The following PPM1H variants were observed in gnomAD, a reference collection of about 807,000 sequenced individuals.
PPM1H encodes the protein protein phosphatase, Mg2+/Mn2+ dependent 1H.
A neutral mutation model predicts 54.9 loss-of-function variants in PPM1H; 27 were observed. That is an observed-to-expected ratio of 0.49 (90% CI 0.36 to 0.68). The LOEUF (loss-of-function observed/expected upper bound fraction) is 0.68. Ranked by LOEUF, PPM1H falls within the 30% of genes least tolerant of loss-of-function variation. The pLI is 0.00. For synonymous variants in PPM1H, 305 were observed against 270.8 expected, an observed-to-expected ratio of 1.13 and a Z score of -1.24; for missense variants, 596 against 667.8, an observed-to-expected ratio of 0.89 and a Z score of 1.19.
intron 1 of PPM1H, among the ~76,000 whole-genome samples, chr12:62,908,633 G>GT (rs1871370921): frequency 6.6e-6 from 1 of 152,134 alleles, no homozygotes; most frequent in Admixed American, 6.5e-5. Flanking sequence ...AGTGTGGTTT[G>GT]TATCATAGTA....
At chr12:62,706,518 T>C (rs1001438030) in intron 6 of PPM1H, among the ~76,000 whole-genome samples, 6 of 152,280 alleles carry the variant, frequency 3.9e-5, no homozygotes, top group African/African-American at 1.4e-4. Flanking sequence ...CAATGTTTAT[T>C]ATGCAATCTT....
intron 4 of PPM1H, among the ~76,000 whole-genome samples, chr12:62,764,297 G>T (rs1205068833): frequency 6.6e-6 from 1 of 152,152 alleles, no homozygotes; most frequent in African/African-American, 2.4e-5. Context: ...CCAGGAGGGG[G>T]ATATTTGTGC....
In PPM1H at chr12:62,693,957, A is replaced by G; in HGVS notation, c.1116T>C (p.Leu372=). 6.2e-7 allele frequency: 1 copy of G among 1,613,016 alleles called. No individual in the cohort carries two copies. Among genetic ancestry groups the G allele is most frequent in the Non-Finnish European group, 8.5e-7 (1 of 1,179,552 alleles). The part of the protein sequence containing the change: ...TIEDEDLKFP[L]IYGEGKKARV... ...CTACCTTCTTGCCTTCTCCATATAT[A>G]AGGGGGAACTTCAAGTCCTCATCCT... is the stretch of plus-strand genomic sequence containing the variant. The change falls in exon 7 of 10, where the codon CTT becomes CTC. Residue 372 remains leucine, a synonymous_variant. Coordinates refer to ENST00000228705, the MANE Select transcript of PPM1H (RefSeq NM_020700.2).
At chr12:62,901,308 C>T (rs926404204) in intron 1 of PPM1H, among the ~76,000 whole-genome samples, 2 of 152,168 alleles carry the variant, frequency 1.3e-5, no homozygotes, top group African/African-American at 2.4e-5. Flanking sequence ...CAACCAAATC[C>T]AATTAATTCT....
At chr12:62,867,720 G>A (rs1186827744) in intron 1 of PPM1H, among the ~76,000 whole-genome samples, 3 of 148,500 alleles carry the variant, frequency 2.0e-5, no homozygotes, top group Non-Finnish European at 4.4e-5. Context: ...TGGGACTACA[G>A]GTGCCTGCCA....
intron 1 of PPM1H, among the ~76,000 whole-genome samples, chr12:62,900,404 G>C (rs1042956830): frequency 1.3e-5 from 2 of 151,820 alleles, no homozygotes; most frequent in African/African-American, 4.8e-5. Context: ...GGGTAGGGGG[G>C]AGGGATAGTA....
At chr12:62,924,625 T>C (rs534430231) in intron 1 of PPM1H, among the ~76,000 whole-genome samples, 3 of 152,370 alleles carry the variant, frequency 2.0e-5, no homozygotes, top group East Asian at 1.9e-4. Flanking sequence ...CAGAATTTTA[T>C]GTAGAATATT....
At chr12:62,684,377 G>C (rs893083079) in intron 8 of PPM1H, among the ~76,000 whole-genome samples, 1 of 152,176 alleles carries the variant, frequency 6.6e-6, no homozygotes, top group Non-Finnish European at 1.5e-5. Context: ...TGGCAAACTC[G>C]AGATTTTTCC....
chr12:62,908,441 A>G, intron 1 of PPM1H, among the ~76,000 whole-genome samples: 2 of 151,516 alleles, frequency 1.3e-5, no homozygotes, highest in African/African-American at 4.8e-5. Context: ...AAAGAAAGAA[A>G]TTGAGTTTTG....
At chr12:62,702,666 C>T (rs886097105) in intron 6 of PPM1H, among the ~76,000 whole-genome samples, 11 of 152,192 alleles carry the variant, frequency 7.2e-5, no homozygotes, top group African/African-American at 2.2e-4. Flanking sequence ...TGATCCCCTC[C>T]GGGGGGTATA....
At chr12:62,794,752 G>A (rs934375854) in intron 3 of PPM1H, among the ~76,000 whole-genome samples, 5 of 152,128 alleles carry the variant, frequency 3.3e-5, no homozygotes, top group Admixed American at 3.3e-4. Context: ...TTTTGGGAGG[G>A]TGGAGAAGTA....
intron 4 of PPM1H, among the ~76,000 whole-genome samples, chr12:62,763,429 A>T (rs342149): frequency 0.38 from 58,118 of 152,088 alleles, 11,341 homozygotes; most frequent in Middle Eastern, 0.5. Flanking sequence ...TCAGGAGCAG[A>T]GGTCCTGATT....
rs71278269 is a variant in PPM1H, at chr12:62,838,920, CAAAAAAAAAAAAAAA to C, written c.246-6656_246-6642del. On this transcript the variant is annotated intron_variant, in intron 1 of 9. Coordinates refer to ENST00000228705, the MANE Select transcript of PPM1H (RefSeq NM_020700.2). ...TGGGCGACAGAGCGAGACTCCGTCT[CAAAAAAAAAAAAAAA>C]AAAAAAAAAAAAAAAAGAATAATAG... 1.2e-4 allele frequency among the ~76,000 whole-genome samples: 4 copies of C among 33,302 alleles called. 1 individual carries two copies. Among genetic ancestry groups the C allele is most frequent in the Non-Finnish European group, 2.0e-4 (4 of 19,666 alleles). 21.8% of individuals were successfully genotyped at this position (33,302 alleles called of 152,430 possible). A position where few individuals can be genotyped will look rare whatever the true frequency, so the allele number is the denominator to read the frequency against.
chr12:62,830,472 G>A (rs923914364), intron 2 of PPM1H, among the ~76,000 whole-genome samples: 3 of 152,138 alleles, frequency 2.0e-5, no homozygotes, highest in Non-Finnish European at 2.9e-5. Flanking sequence ...AGCCAGGATG[G>A]TCTCGATCTC....
At chr12:62,788,950 T>C (rs972925454) in intron 3 of PPM1H, among the ~76,000 whole-genome samples, 16 of 152,138 alleles carry the variant, frequency 1.1e-4, no homozygotes, top group Admixed American at 9.2e-4. Context: ...GGTCTCGAAC[T>C]CCTGTGCTGA....
intron 3 of PPM1H, among the ~76,000 whole-genome samples, chr12:62,799,408 GT>G (rs1218873260): frequency 1.3e-5 from 2 of 152,026 alleles, no homozygotes; most frequent in Non-Finnish European, 2.9e-5. Context: ...AAATCTCAAC[GT>G]TTCCTTTATT....
intron 4 of PPM1H, among the ~76,000 whole-genome samples, chr12:62,765,510 A>G (rs1157571586): frequency 4.6e-5 from 7 of 152,168 alleles, no homozygotes; most frequent in African/African-American, 1.4e-4. Flanking sequence ...GCAATACTAT[A>G]CATAATCAAT....
Position 62,934,457 on chromosome 12 carries a change from G to C in PPM1H, c.245+35C>G. On this transcript the variant is annotated intron_variant, in intron 1 of 9. Coordinates refer to ENST00000228705, the MANE Select transcript of PPM1H (RefSeq NM_020700.2). This position sits in a 1 kb window ranked among gnomAD's most constrained non-coding sequence, Gnocchi z 4.2. ...GAACCGTGCGGGGAAGGGCCGCGAG[G>C]AGAGCAGGGGCGCCGCCGGTGTCGC... 1 of 1,510,790 alleles carries C rather than the reference G, an allele frequency of 6.6e-7. No individual in the cohort carries two copies. The highest frequency in any genetic ancestry group is 8.8e-7 in the Non-Finnish European group (1 of 1,130,946). 93.6% of individuals were successfully genotyped at this position (1,510,790 alleles called of 1,614,324 possible). A position where few individuals can be genotyped will look rare whatever the true frequency, so the allele number is the denominator to read the frequency against.
At chr12:62,833,198 G>T (rs1027463610) in intron 1 of PPM1H, among the ~76,000 whole-genome samples, 2 of 152,178 alleles carry the variant, frequency 1.3e-5, no homozygotes, top group East Asian at 3.8e-4. Context: ...TGAGTGTGGA[G>T]TTTATGGAAC....
Sources: gnomAD v4.1 joint callset for allele counts (sites outside exome capture counted in the v4.1 genomes callset) on GRCh38, gnomAD v4.1.1 for gene constraint, Gnocchi (gnomAD v3.1) non-coding constraint, MANE v1.5 for transcripts, NCBI Gene and HGNC (gene_info 2026-07-23, HGNC 2026-07-21) for gene names.